GRIA4: variants seen among roughly 807,000 people sequenced by gnomAD.
The protein encoded by GRIA4 is glutamate receptor 4.
Under a neutral mutation model 104.0 loss-of-function variants are expected in GRIA4, and 34 were observed. That is an observed-to-expected ratio of 0.33 (90% CI 0.25 to 0.44). The LOEUF (loss-of-function observed/expected upper bound fraction) is 0.44. Ranked by LOEUF, GRIA4 falls within the 20% of genes least tolerant of loss-of-function variation. The pLI is 1.00. For missense variants in GRIA4, 750 were observed against 1,096.5 expected, an observed-to-expected ratio of 0.68 and a Z score of 4.46; for synonymous variants, 386 against 381.9, an observed-to-expected ratio of 1.01 and a Z score of -0.13.
At chr11:105,813,733 T>A (rs1365851155) in intron 4 of GRIA4, among the ~76,000 whole-genome samples, 3 of 152,186 alleles carry the variant, frequency 2.0e-5, no homozygotes, top group South Asian at 2.1e-4. Context: ...CCAGTAGTGT[T>A]CTTCTCTCCT....
At chr11:105,667,376 G>A (rs919787686) in intron 3 of GRIA4, among the ~76,000 whole-genome samples, 2 of 151,876 alleles carry the variant, frequency 1.3e-5, no homozygotes, top group Non-Finnish European at 2.9e-5. Context: ...TATCAAAGAC[G>A]GGCCTAATCC....
At chr11:105,755,303 G>A (rs927658605) in intron 4 of GRIA4, among the ~76,000 whole-genome samples, 5 of 152,066 alleles carry the variant, frequency 3.3e-5, no homozygotes, top group Admixed American at 6.6e-5. Context: ...AAGAGGAAGA[G>A]GCATGAAACA....
chr11:105,649,081 G>T (rs1051609782), intron 3 of GRIA4, among the ~76,000 whole-genome samples: 3 of 152,004 alleles, frequency 2.0e-5, no homozygotes, highest in Admixed American at 6.6e-5. Flanking sequence ...AGACCAAAAA[G>T]TTCCCTTGCT....
chr11:105,868,226 G>A (rs1945497306), intron 5 of GRIA4, among the ~76,000 whole-genome samples: 1 of 152,138 alleles, frequency 6.6e-6, no homozygotes, highest in Non-Finnish European at 1.5e-5. Context: ...AAAGGGGTAA[G>A]GGTATTCCAA....
At chr11:105,950,877 T>C (rs1948438844) in intron 14 of GRIA4, among the ~76,000 whole-genome samples, 1 of 151,932 alleles carries the variant, frequency 6.6e-6, no homozygotes, top group Non-Finnish European at 1.5e-5. Context: ...ATATATAGTT[T>C]AGCTATACAG....
chr11:105,838,778 A>C (rs1216665213), intron 4 of GRIA4, among the ~76,000 whole-genome samples: 1 of 152,152 alleles, frequency 6.6e-6, no homozygotes, highest in South Asian at 2.1e-4. Flanking sequence ...GGAGTCTCTA[A>C]TCTGCCTGAG....
chr11:105,972,942 G>C (rs1433757742), intron 15 of GRIA4, among the ~76,000 whole-genome samples: 2 of 152,088 alleles, frequency 1.3e-5, no homozygotes, highest in Non-Finnish European at 2.9e-5. Flanking sequence ...AAATAGGAGA[G>C]CCTCAATTAA....
intron 3 of GRIA4, among the ~76,000 whole-genome samples, chr11:105,698,369 C>A (rs1054557522): frequency 1.3e-5 from 2 of 152,110 alleles, no homozygotes; most frequent in African/African-American, 4.8e-5. Context: ...AACATGGCAT[C>A]TTTTGGTTGC....
chr11:105,944,705 C>T (rs1948264649), intron 14 of GRIA4, among the ~76,000 whole-genome samples: 3 of 152,152 alleles, frequency 2.0e-5, no homozygotes, highest in Admixed American at 6.5e-5. Flanking sequence ...GATGCTGCTG[C>T]TGCAACTCGG....
At chr11:105,906,327 T>A (rs1464631202) in intron 9 of GRIA4, among the ~76,000 whole-genome samples, 3 of 152,146 alleles carry the variant, frequency 2.0e-5, no homozygotes, top group Admixed American at 1.3e-4. Flanking sequence ...ATTTTCTCCC[T>A]TACTGATCTA....
chr11:105,720,663 T>C (rs896197990), intron 3 of GRIA4, among the ~76,000 whole-genome samples: 1 of 152,174 alleles, frequency 6.6e-6, no homozygotes, highest in Non-Finnish European at 1.5e-5. Context: ...GTTTATGTTA[T>C]AAATTAGTGC....
At chr11:105,832,691 C>G (rs1032252930) in intron 4 of GRIA4, among the ~76,000 whole-genome samples, 5 of 151,834 alleles carry the variant, frequency 3.3e-5, no homozygotes, top group Admixed American at 3.3e-4. Flanking sequence ...ATGGAGATAC[C>G]TGTGTTATCT....
intron 3 of GRIA4, among the ~76,000 whole-genome samples, chr11:105,620,063 C>T (rs2135268673): frequency 6.6e-6 from 1 of 151,968 alleles, no homozygotes; most frequent in African/African-American, 2.4e-5. Context: ...TCAGCTCTTT[C>T]TATTTTCATC....
chr11:105,851,263 T>C (rs905808936), intron 4 of GRIA4, among the ~76,000 whole-genome samples: 2 of 152,168 alleles, frequency 1.3e-5, no homozygotes, highest in Non-Finnish European at 2.9e-5. Context: ...TTGAGCTTAT[T>C]CTTTCCTTTG....
At chr11:105,941,757 C>T (rs1948184848) in intron 14 of GRIA4, among the ~76,000 whole-genome samples, 1 of 151,962 alleles carries the variant, frequency 6.6e-6, no homozygotes, top group East Asian at 1.9e-4. Context: ...AGTATATAGC[C>T]CCCTTTCTGT....
intron 3 of GRIA4, among the ~76,000 whole-genome samples, chr11:105,705,730 A>G (rs1368714258): frequency 6.6e-6 from 1 of 152,184 alleles, no homozygotes; most frequent in Non-Finnish European, 1.5e-5. Context: ...TACATGGGTA[A>G]ACATTAAAAA....
In GRIA4 at chr11:105,898,414, A is replaced by T. The variant is rs1416546055; in HGVS notation, c.872A>T (p.Glu291Val). ...GATCAGAGAGAGTATCCAGGATCTGAGACTCCTCCAAAGGTATTTGTTTAT... is the reference window on the plus strand; with the variant it reads ...GATCAGAGAGAGTATCCAGGATCTGTGACTCCTCCAAAGGTATTTGTTTAT... ...KLDQREYPGS[E>V]TPPKYTSALT... The change falls in exon 7 of 17, where the codon GAG becomes GTG. Residue 291 changes from glutamate to valine, a missense_variant. Transcript: ENST00000282499. 6.4e-7 allele frequency: 1 copy of T among 1,574,516 alleles called. No individual in the cohort carries two copies. Among genetic ancestry groups the T allele is most frequent in the Admixed American group, 1.7e-5 (1 of 59,424 alleles).
rs183839584 is a variant in GRIA4 at position 105,753,153 on chromosome 11, A to C, written c.420A>C (p.Gly140=). The part of the protein sequence containing the change: ...FVLQLRPSLR[G]ALLSLLDHYE... ...TGCAACTAAGACCTTCGTTACGAGGAGCACTCTTGAGTTTGCTGGATCACT... is the reference window on the plus strand; with the variant it reads ...TGCAACTAAGACCTTCGTTACGAGGCGCACTCTTGAGTTTGCTGGATCACT... Residue 140 remains glycine, a synonymous_variant, in exon 4 of 17, where the codon GGA becomes GGC. Transcript: ENST00000282499. The C allele has an allele frequency of 3.7e-6, 6 of 1,613,646 alleles. No individual in the cohort carries two copies. Among genetic ancestry groups the C allele is most frequent in the Admixed American group, 1.7e-5 (1 of 59,994 alleles).
intron 4 of GRIA4, among the ~76,000 whole-genome samples, chr11:105,795,741 A>C (rs1292394855): frequency 6.6e-6 from 1 of 152,140 alleles, no homozygotes; most frequent in Admixed American, 6.6e-5. Flanking sequence ...TTTTTAGAAA[A>C]ATAGAAAAAT....
Sources: gnomAD v4.1 joint callset for allele counts (sites outside exome capture counted in the v4.1 genomes callset) on GRCh38, gnomAD v4.1.1 for gene constraint, MANE v1.5 for transcripts, NCBI Gene and HGNC (gene_info 2026-07-23, HGNC 2026-07-21) for gene names.